Variants in HTR1F observed in about 807,000 individuals in gnomAD.
The protein encoded by HTR1F is 5-hydroxytryptamine (serotonin) receptor 1F, G protein-coupled.
A neutral mutation model predicts 24.0 loss-of-function variants in HTR1F; 17 were observed. That is an observed-to-expected ratio of 0.71 (90% CI 0.48 to 1.06). HTR1F has a LOEUF of 1.06. HTR1F is among the 50% of genes least tolerant of loss of function. The pLI is 0.00. For missense variants in HTR1F, 391 were observed against 427.8 expected (o/e 0.91, Z 0.76); for synonymous variants, 186 against 156.8 (o/e 1.19, Z -1.39).
intron 1 of HTR1F, among the ~76,000 whole-genome samples, chr3:87,802,862 C>T (rs1482423683): frequency 1.3e-5 from 2 of 152,160 alleles, no homozygotes; most frequent in African/African-American, 2.4e-5. Flanking sequence ...GGAAAGTGCC[C>T]ATTGCAACAT....
intron 2 of HTR1F, among the ~76,000 whole-genome samples, chr3:87,844,846 C>T (rs1443680831): frequency 2.1e-4 from 32 of 150,346 alleles, no homozygotes; most frequent in East Asian, 5.9e-4. Flanking sequence ...TGTAGATATG[C>T]GGCGTTATTT....
At chr3:87,876,436 TA>T (rs1559615155) in intron 2 of HTR1F, among the ~76,000 whole-genome samples, 1 of 152,104 alleles carries the variant, frequency 6.6e-6, no homozygotes. Flanking sequence ...TATTCAGTCT[TA>T]AAAAAGAAAG....
chr3:87,885,140 T>C (rs1297171652), intron 2 of HTR1F, among the ~76,000 whole-genome samples: 1 of 152,030 alleles, frequency 6.6e-6, no homozygotes, highest in Admixed American at 6.6e-5. Context: ...CAACAAACTA[T>C]CTCTCAGACC....
chr3:87,941,576 G>A (rs1202110454), intron 2 of HTR1F, among the ~76,000 whole-genome samples: 1 of 152,154 alleles, frequency 6.6e-6, no homozygotes, highest in Non-Finnish European at 1.5e-5. Flanking sequence ...ATGAGAACTG[G>A]CTCAAGTCTT....
intron 2 of HTR1F, among the ~76,000 whole-genome samples, chr3:87,824,679 C>G (rs1704427175): frequency 6.6e-6 from 1 of 152,150 alleles, no homozygotes; most frequent in African/African-American, 2.4e-5. Flanking sequence ...GACAGCTGCA[C>G]ATAACCATCA....
chr3:87,893,898 TAC>T (rs1226104189), intron 2 of HTR1F, among the ~76,000 whole-genome samples: 21 of 152,248 alleles, frequency 1.4e-4, no homozygotes, highest in African/African-American at 5.1e-4. Context: ...CACATTGTAT[TAC>T]AGTCCTTACC....
At chr3:87,807,326 A>G (rs900293929) in intron 1 of HTR1F, among the ~76,000 whole-genome samples, 1 of 151,864 alleles carries the variant, frequency 6.6e-6, no homozygotes, top group Non-Finnish European at 1.5e-5. Context: ...TTTTTCTTTT[A>G]GAAATCTTTC....
chr3:87,989,995 C>T (rs2107525893), intron 2 of HTR1F, among the ~76,000 whole-genome samples: 1 of 152,266 alleles, frequency 6.6e-6, no homozygotes, highest in Non-Finnish European at 1.5e-5. Context: ...GTCCTGAAGG[C>T]CTTCTTCTGG....
chr3:87,846,495 A>G (rs994393570), intron 2 of HTR1F, among the ~76,000 whole-genome samples: 4 of 151,978 alleles, frequency 2.6e-5, no homozygotes, highest in African/African-American at 9.7e-5. Context: ...CCAACTTTAT[A>G]CAACTTTATC....
intron 2 of HTR1F, among the ~76,000 whole-genome samples, chr3:87,960,821 G>C (rs1349357116): frequency 6.6e-6 from 1 of 151,896 alleles, no homozygotes; most frequent in East Asian, 1.9e-4. Flanking sequence ...AATCTGTCAT[G>C]TTTGATGCAG....
At chr3:87,903,379 G>A (rs559024015) in intron 2 of HTR1F, among the ~76,000 whole-genome samples, 8 of 151,990 alleles carry the variant, frequency 5.3e-5, no homozygotes, top group African/African-American at 1.9e-4. Flanking sequence ...CTACTCATCT[G>A]ACAAAGGGCT....
At chr3:87,903,710 A>T (rs1238922822) in intron 2 of HTR1F, among the ~76,000 whole-genome samples, 2 of 152,160 alleles carry the variant, frequency 1.3e-5, no homozygotes, top group Non-Finnish European at 2.9e-5. Flanking sequence ...TGTGGAAGTC[A>T]GTGTGGTGAT....
At chr3:87,844,131 T>G (rs1273469561) in intron 2 of HTR1F, among the ~76,000 whole-genome samples, 1 of 151,606 alleles carries the variant, frequency 6.6e-6, no homozygotes, top group Non-Finnish European at 1.5e-5. Context: ...TGAACTAGTT[T>G]ACAGTCCCAC....
rs1274097588 is a variant in HTR1F at position 87,968,686 on chromosome 3, A to C, written c.-42-22022A>C. Among the ~76,000 whole-genome samples the C allele has an allele frequency of 1.7e-4, 26 of 152,174 alleles. 2 individuals are homozygous for C. Among genetic ancestry groups the C allele is most frequent in the Non-Finnish European group, 3.4e-4 (23 of 68,030 alleles). ...CCTGACAAAGCGGTAGGAAAGAAAA[A>C]CCCATTTTCTTAGGAGAAATTTAAG... On this transcript the variant is annotated intron_variant, in intron 2 of 2. Coordinates refer to ENST00000319595, the MANE Select transcript of HTR1F (RefSeq NM_001322209.2).
At chr3:87,833,806 C>G (rs1199766747) in intron 2 of HTR1F, among the ~76,000 whole-genome samples, 1 of 152,136 alleles carries the variant, frequency 6.6e-6, no homozygotes. Flanking sequence ...CGTGCCCGGC[C>G]TATAAAGCCC....
chr3:87,842,331 T>C (rs137969227), intron 2 of HTR1F, among the ~76,000 whole-genome samples: 14 of 151,572 alleles, frequency 9.2e-5, no homozygotes, highest in African/African-American at 3.2e-4. Context: ...CGGCTAATTT[T>C]TTTTGTATTT....
At chr3:87,960,732 C>G (rs1303638056) in intron 2 of HTR1F, among the ~76,000 whole-genome samples, 1 of 151,898 alleles carries the variant, frequency 6.6e-6, no homozygotes, top group Non-Finnish European at 1.5e-5. Context: ...TACCTCTATG[C>G]CTTTCCTATT....
In HTR1F at chr3:87,946,627, AT is replaced by A. The variant is rs113993620; in HGVS notation, c.-42-44066del. 4.4e-3 allele frequency among the ~76,000 whole-genome samples: 569 copies of A among 129,132 alleles called. 3 individuals carry two copies. Among genetic ancestry groups the A allele is most frequent in the Middle Eastern group, 0.012 (3 of 250 alleles). 84.7% of individuals were successfully genotyped at this position (129,132 alleles called of 152,430 possible). On this transcript the variant is annotated intron_variant, in intron 2 of 2. Coordinates refer to ENST00000319595, the MANE Select transcript of HTR1F (RefSeq NM_001322209.2). ...TGTGTGTGTGTATATATATATATATATTTTTTTTTTTTTTTAAACAGTCTCA... is the reference window on the plus strand; with the variant it reads ...TGTGTGTGTGTATATATATATATATATTTTTTTTTTTTTTAAACAGTCTCA...
chr3:87,939,026 T>A (rs1013464356), intron 2 of HTR1F, among the ~76,000 whole-genome samples: 2 of 152,186 alleles, frequency 1.3e-5, no homozygotes, highest in African/African-American at 2.4e-5. Context: ...AAACTATGCA[T>A]CTGACAAAGA....
Sources: allele counts gnomAD v4.1 joint callset (sites outside exome capture counted in the v4.1 genomes callset), GRCh38; gene constraint gnomAD v4.1.1; transcripts MANE v1.5; gene names NCBI Gene and HGNC (gene_info 2026-07-23, HGNC 2026-07-21).